ARHGEF28: variants seen among roughly 807,000 people sequenced by gnomAD.
ARHGEF28 encodes the protein Rho guanine nucleotide exchange factor 28.
In ARHGEF28, 152 loss-of-function variants were observed where a neutral mutation model predicts 206.6. That is an observed-to-expected ratio of 0.74 (90% CI 0.64 to 0.84). The LOEUF (loss-of-function observed/expected upper bound fraction) is 0.84. ARHGEF28 is among the 40% of genes least tolerant of loss of function. The pLI, the probability that ARHGEF28 is intolerant of heterozygous loss-of-function variation, is 0.00. For missense variants in ARHGEF28, 2,028 were observed against 2,073.2 expected (o/e 0.98, Z 0.42); for synonymous variants, 763 against 776.4 (o/e 0.98, Z 0.29).
chr5:73,869,178 T>C (rs1759905978), intron 20 of ARHGEF28, among the ~76,000 whole-genome samples: 1 of 118,712 alleles, frequency 8.4e-6, no homozygotes, highest in African/African-American at 3.3e-5. Flanking sequence ...GAGTGCCATT[T>C]GGGTAAATAG....
chr5:73,850,552 T>A (rs2112596941), intron 13 of ARHGEF28, among the ~76,000 whole-genome samples: 1 of 152,222 alleles, frequency 6.6e-6, no homozygotes, highest in East Asian at 1.9e-4. Context: ...CCTCACATTG[T>A]TACTATTTGG....
At position 73,933,745 on chromosome 5, in the gene ARHGEF28, C is replaced by T. The variant is rs144543075; in HGVS notation, c.4949-7099C>T. ...GCATTGGGCTCTCTTAAAGCAAATCCGGGACATCCTATCATTTCATCCAGA... is the reference window on the plus strand; with the variant it reads ...GCATTGGGCTCTCTTAAAGCAAATCTGGGACATCCTATCATTTCATCCAGA... On this transcript the variant is annotated intron_variant, in intron 35 of 35. Coordinates refer to ENST00000513042, the MANE Select transcript of ARHGEF28 (RefSeq NM_001177693.2). 4.1e-3 allele frequency among the ~76,000 whole-genome samples: 621 copies of T among 152,160 alleles called. 5 individuals carry two copies. Among genetic ancestry groups the T allele is most frequent in the African/African-American group, 0.014 (573 of 41,512 alleles).
Position 73,786,551 on chromosome 5 carries a change from G to T in ARHGEF28, c.910+5806G>T, listed in dbSNP as rs1381796737. The T allele has an allele frequency of 7.9e-5, 12 of 152,116 alleles. No individual in the cohort carries two copies. In the East Asian group the frequency reaches 2.3e-3, roughly 29 times the overall value. The allele number at this position is 152,116 out of a possible 1,614,324, so 9.4% of individuals were successfully genotyped here. On this transcript the variant is annotated intron_variant, in intron 7 of 35. Coordinates refer to ENST00000513042, the MANE Select transcript of ARHGEF28 (RefSeq NM_001177693.2). ...TGGTTCATCTCTCTCAAGTCCTTAT[G>T]ACCCGCAGGCACAGACATGTCTCGA...
chr5:73,709,901 C>G (rs1452021567), intron 2 of ARHGEF28, among the ~76,000 whole-genome samples: 2 of 152,140 alleles, frequency 1.3e-5, no homozygotes, highest in African/African-American at 4.8e-5. Flanking sequence ...TTGTGTGAAA[C>G]AATAGTTTGT....
intron 22 of ARHGEF28, among the ~76,000 whole-genome samples, chr5:73,873,678 G>A (rs1455857343): frequency 6.6e-6 from 1 of 152,150 alleles, no homozygotes; most frequent in East Asian, 1.9e-4. Flanking sequence ...CATTTACAGC[G>A]ATGGAGTTCA....
intron 26 of ARHGEF28, 89 bp from the exon 27 acceptor site, chr5:73,891,963 A>G (rs2112685368): frequency 8.3e-7 from 1 of 1,206,598 alleles, no homozygotes. Flanking sequence ...AGGTTTACCT[A>G]GTACTCTTGC....
chr5:73,715,215 C>T (rs1192680885), intron 2 of ARHGEF28, among the ~76,000 whole-genome samples: 1 of 152,300 alleles, frequency 6.6e-6, no homozygotes, highest in East Asian at 1.9e-4. Flanking sequence ...AGTCACCGGA[C>T]CCACAGTCAA....
intron 7 of ARHGEF28, among the ~76,000 whole-genome samples, chr5:73,792,869 C>G (rs570611157): frequency 4.5e-4 from 68 of 152,158 alleles, no homozygotes; most frequent in Admixed American, 2.2e-3. Context: ...AAAGCAGGTC[C>G]TTGAAGGGTG....
At chr5:73,696,987 G>T (rs191983831) in intron 2 of ARHGEF28, among the ~76,000 whole-genome samples, 316 of 152,320 alleles carry the variant, frequency 2.1e-3, no homozygotes, top group Non-Finnish European at 3.5e-3. Context: ...CAGCAGGAAG[G>T]TGCTGTCATC....
intron 9 of ARHGEF28, among the ~76,000 whole-genome samples, chr5:73,830,560 G>GAAAAAAAAAAAAAAAAAAAAAAA (rs57559151): frequency 7.9e-6 from 1 of 127,190 alleles, no homozygotes; most frequent in South Asian, 2.6e-4. Context: ...CTCAAAAAAA[G>GAAAAAAAAAAAAAAAAAAAAAAA]AAAAAAAAAA....
At chr5:73,824,799 G>A (rs1756801930) in intron 9 of ARHGEF28, among the ~76,000 whole-genome samples, 1 of 152,014 alleles carries the variant, frequency 6.6e-6, no homozygotes, top group Non-Finnish European at 1.5e-5. Flanking sequence ...CGCTGATAGA[G>A]GCTGAGGGCT....
At chr5:73,728,928 C>G (rs1750441519) in intron 2 of ARHGEF28, among the ~76,000 whole-genome samples, 1 of 152,104 alleles carries the variant, frequency 6.6e-6, no homozygotes, top group Non-Finnish European at 1.5e-5. Flanking sequence ...AAGGGACAAT[C>G]AAGAAAATAA....
chr5:73,753,028 C>T lies in ARHGEF28; in HGVS notation c.301C>T (p.Arg101Cys), dbSNP rs755679711. 1.4e-5 allele frequency: 22 copies of T among 1,610,582 alleles called. No homozygotes were observed. The highest frequency in any genetic ancestry group is 1.6e-4 in the Middle Eastern group (1 of 6,078). The change falls in exon 4 of 36, where the codon CGT becomes TGT. Residue 101 changes from arginine to cysteine, a missense_variant. By Grantham distance (180) the Arg-to-Cys change is radical. Around this residue, in one of 3 missense-constraint regions of ARHGEF28, gnomAD observed 1,002 missense variants for 1,015.3 expected, o/e 0.99. Coordinates refer to ENST00000513042, the MANE Select transcript of ARHGEF28 (RefSeq NM_001177693.2). ...YVDNMACRLA[R>C]LLVTQANRLT... ...GGACAACATGGCTTGCAGGCTGGCT[C>T]GTCTGCTGGTGACGCAGGCCAATCG... is the stretch of plus-strand genomic sequence containing the variant.
At chr5:73,785,240 T>C (rs2112468929) in intron 7 of ARHGEF28, among the ~76,000 whole-genome samples, 1 of 152,352 alleles carries the variant, frequency 6.6e-6, no homozygotes, top group South Asian at 2.1e-4. Flanking sequence ...TTGTGGGCTC[T>C]AGTAAGTCAA....
rs759778387 is a variant in ARHGEF28, at chr5:73,794,447, A to G, written c.956A>G (p.Asp319Gly). 6.2e-7 allele frequency: 1 copy of G among 1,600,104 alleles called. No homozygotes were observed. Among genetic ancestry groups the G allele is most frequent in the Non-Finnish European group, 8.5e-7 (1 of 1,171,344 alleles). Reference sequence around the variant, plus strand: ...AGCAGATCAGCAGCTGAAAAGGAAGATATAAAGGTAATGAATGACTCCCTG... The same window carrying G: ...AGCAGATCAGCAGCTGAAAAGGAAGGTATAAAGGTAATGAATGACTCCCTG... ...VSSRSAAEKE[D>G]IKRVKSLVVQ... Residue 319 changes from aspartate to glycine, a missense_variant, in exon 8 of 36, where the codon GAT (aspartate) becomes GGT (glycine). Transcript: ENST00000513042.
chr5:73,661,899 CAG>C (rs1250522664), intron 1 of ARHGEF28, among the ~76,000 whole-genome samples: 1 of 152,148 alleles, frequency 6.6e-6, no homozygotes, highest in Non-Finnish European at 1.5e-5. Context: ...AAATGTGACA[CAG>C]AGACACGAAG....
rs781655792 is a variant in ARHGEF28, at chr5:73,909,879, C to A, written c.4629C>A (p.Leu1543=). 1 of 1,515,286 alleles carries A rather than the reference C, an allele frequency of 6.6e-7. No individual in the cohort carries two copies. 93.9% of individuals were successfully genotyped at this position (1,515,286 alleles called of 1,614,324 possible). Reference sequence around the variant, plus strand: ...GGCAGAGGAGCCTGCCCGCGGTGCTCCTTCCGGGTGGCCCCGAGGTATGGA... The same window carrying A: ...GGCAGAGGAGCCTGCCCGCGGTGCTACTTCCGGGTGGCCCCGAGGTATGGA... ...HGRQRSLPAV[L]LPGGPEVMEL... Residue 1543 remains leucine (L), a synonymous_variant, in exon 34 of 36, where the codon CTC becomes CTA. Coordinates refer to ENST00000513042, the MANE Select transcript of ARHGEF28 (RefSeq NM_001177693.2).
chr5:73,725,423 T>C (rs1750211309), intron 2 of ARHGEF28, among the ~76,000 whole-genome samples: 1 of 152,232 alleles, frequency 6.6e-6, no homozygotes, highest in Non-Finnish European at 1.5e-5. Context: ...TAGGTATGAA[T>C]AGAATGTTGG....
At chr5:73,844,579 C>T (rs990838994) in intron 11 of ARHGEF28, among the ~76,000 whole-genome samples, 2 of 147,622 alleles carry the variant, frequency 1.4e-5, no homozygotes, top group South Asian at 2.1e-4. Context: ...ATAACCTAAA[C>T]AGGTTAATTC....
Sources: allele counts gnomAD v4.1 joint callset (sites outside exome capture counted in the v4.1 genomes callset), GRCh38; gene constraint gnomAD v4.1.1; regional missense constraint gnomAD v4.1.1; transcripts MANE v1.5; gene names NCBI Gene and HGNC (gene_info 2026-07-23, HGNC 2026-07-21).